Variants in DGKH observed in about 807,000 individuals in gnomAD.
DGKH encodes DAG kinase eta.
A neutral mutation model predicts 159.3 loss-of-function variants in DGKH; 90 were observed. The ratio of observed to expected loss-of-function variants is 0.57; its 90% CI spans 0.48 to 0.67. The LOEUF (loss-of-function observed/expected upper bound fraction) is 0.67. Ranked by LOEUF, DGKH falls within the 30% of genes least tolerant of loss-of-function variation. The pLI is 0.00. For missense variants in DGKH, 1,181 were observed against 1,506.1 expected (o/e 0.78, Z 3.57); for synonymous variants, 536 against 553.8 (o/e 0.97, Z 0.45).
chr13:42,056,546 T>C (rs1881774886), intron 1 of DGKH, among the ~76,000 whole-genome samples: 1 of 152,248 alleles, frequency 6.6e-6, no homozygotes, highest in African/African-American at 2.4e-5. Context: ...GGAACAGTTG[T>C]GTACAGTTAC....
Position 42,199,935 on chromosome 13 carries a change from T to C in DGKH, c.2493+26T>C, listed in dbSNP as rs774650835. ...GTAAGTTCATCTTAAAGTAAAGATA[T>C]TTCATATTATCTTACTTAAAAAAAA... On this transcript the variant is annotated intron_variant, in intron 20 of 29. Transcript: ENST00000337343. The C allele has an allele frequency of 2.6e-6, 4 of 1,559,058 alleles. No individual in the cohort carries two copies. The Admixed American group carries it at 5.8e-5, about 23-fold the overall frequency.
intron 1 of DGKH, among the ~76,000 whole-genome samples, chr13:42,074,754 A>G (rs956927489): frequency 6.6e-6 from 1 of 152,104 alleles, no homozygotes; most frequent in Non-Finnish European, 1.5e-5. Context: ...TACAAAGACT[A>G]ATGAAACACG....
At chr13:42,042,394 C>A (rs1880566346) in intron 1 of DGKH, among the ~76,000 whole-genome samples, 1 of 151,832 alleles carries the variant, frequency 6.6e-6, no homozygotes. Context: ...ATTTTTTTTT[C>A]TTCTCAAAAG....
intron 3 of DGKH, 43 bp downstream of exon 3, chr13:42,129,675 A>G: frequency 1.9e-6 from 3 of 1,561,994 alleles, no homozygotes; most frequent in Non-Finnish European, 2.6e-6. Flanking sequence ...AAGTTATAGA[A>G]TGACCTTTCT....
At chr13:42,070,240 C>T (rs1375520449) in intron 1 of DGKH, 1 of 1,145,972 alleles carries the variant, frequency 8.7e-7, no homozygotes, top group East Asian at 2.3e-5. Flanking sequence ...GCGACTAATT[C>T]CTGGAAGTAG....
intron 20 of DGKH, among the ~76,000 whole-genome samples, chr13:42,202,331 G>C (rs996040012): frequency 6.6e-6 from 1 of 152,128 alleles, no homozygotes; most frequent in African/African-American, 2.4e-5. Flanking sequence ...CGGGATAAAG[G>C]TGGAAAAGAG....
chr13:42,140,718 G>A (rs894177505), intron 3 of DGKH: 1 of 152,086 alleles, frequency 6.6e-6, no homozygotes, highest in Non-Finnish European at 1.5e-5. Context: ...TGGTCTTGAT[G>A]TGGCTGAAGT....
At chr13:42,223,176 G>T (rs1314099638) in intron 29 of DGKH, among the ~76,000 whole-genome samples, 1 of 152,160 alleles carries the variant, frequency 6.6e-6, no homozygotes, top group Non-Finnish European at 1.5e-5. Context: ...CATAAAGCTA[G>T]AGAAGAGCTC....
intron 1 of DGKH, chr13:42,069,702 A>G: frequency 8.7e-7 from 1 of 1,142,868 alleles, no homozygotes; most frequent in Non-Finnish European, 1.3e-6. Context: ...AGTAACAGTT[A>G]ACTTCATTCT....
At chr13:42,061,220 ATCT>A (rs965328624) in intron 1 of DGKH, among the ~76,000 whole-genome samples, 6 of 152,120 alleles carry the variant, frequency 3.9e-5, no homozygotes, top group African/African-American at 1.4e-4. Context: ...CCCCACCCTA[ATCT>A]TCTTATGCAA....
At chr13:42,100,342 T>G (rs1388712435) in intron 1 of DGKH, among the ~76,000 whole-genome samples, 1 of 152,154 alleles carries the variant, frequency 6.6e-6, no homozygotes, top group Non-Finnish European at 1.5e-5. Flanking sequence ...TCCCACTGAT[T>G]GTACATTATG....
chr13:42,068,799 T>C, intron 1 of DGKH: 1 of 419,814 alleles, frequency 2.4e-6, no homozygotes, highest in Non-Finnish European at 4.1e-6. Flanking sequence ...GTCTGGATTT[T>C]AAAAACCAAG....
chr13:42,049,100 GAA>G (rs1881035589), intron 1 of DGKH, 135 bp downstream of exon 1: 1 of 264,486 alleles, frequency 3.8e-6, no homozygotes, highest in Non-Finnish European at 5.3e-6. Flanking sequence ...GGAAGGCGGG[GAA>G]GGCGGGGAAG....
At chr13:42,146,150 C>CTTTTTTTTTTTT (rs57139526) in intron 3 of DGKH, among the ~76,000 whole-genome samples, 3 of 110,278 alleles carry the variant, frequency 2.7e-5, no homozygotes, top group Non-Finnish European at 5.3e-5. Flanking sequence ...TCTGGGGAGG[C>CTTTTTTTTTTTT]TTTTTTTTTT....
chr13:42,228,146 T>G (rs1288425033), intron 29 of DGKH, among the ~76,000 whole-genome samples: 1 of 152,158 alleles, frequency 6.6e-6, no homozygotes, highest in Admixed American at 6.6e-5. Flanking sequence ...TTGGATAGGT[T>G]TAATTTATTC....
rs1957578306 is a variant in DGKH at position 42,209,226 on chromosome 13, A to G, written c.2716-105A>G. The G allele has an allele frequency of 4.2e-6, 6 of 1,445,330 alleles. No individual in the cohort carries two copies. In the East Asian group the frequency reaches 6.9e-5, roughly 17 times the overall value. The allele number at this position is 1,445,330 out of a possible 1,614,324, so 89.5% of individuals were successfully genotyped here. Reference sequence around the variant, plus strand: ...CCATGTCATTTATAAGTGATAAAGCATAATAGTCTATTCTGTAGAATAGTC... The same window carrying G: ...CCATGTCATTTATAAGTGATAAAGCGTAATAGTCTATTCTGTAGAATAGTC... On this transcript the variant is annotated intron_variant, in intron 22 of 29. Transcript: ENST00000337343.
chr13:42,210,151 A>G (rs1957612809), intron 23 of DGKH, among the ~76,000 whole-genome samples: 1 of 151,956 alleles, frequency 6.6e-6, no homozygotes, highest in Non-Finnish European at 1.5e-5. Context: ...AATAGTAAAG[A>G]TTGAAGCATG....
At chr13:42,188,020 C>CATTTAATTTAAT (rs1458388737) in intron 14 of DGKH, among the ~76,000 whole-genome samples, 1 of 151,812 alleles carries the variant, frequency 6.6e-6, no homozygotes, top group Non-Finnish European at 1.5e-5. Flanking sequence ...GAATTAACTT[C>CATTTAATTTAAT]CCCAAATCCA....
intron 11 of DGKH, among the ~76,000 whole-genome samples, chr13:42,172,413 A>G (rs1243122427): frequency 6.6e-6 from 1 of 152,178 alleles, no homozygotes; most frequent in Non-Finnish European, 1.5e-5. Flanking sequence ...TCATGGGAAG[A>G]GTTGAATAGT....
Sources: gnomAD v4.1 joint callset for allele counts (sites outside exome capture counted in the v4.1 genomes callset) on GRCh38, gnomAD v4.1.1 for gene constraint, MANE v1.5 for transcripts, NCBI Gene and HGNC (gene_info 2026-07-23, HGNC 2026-07-21) for gene names.